PTPN13: variants seen among roughly 807,000 people sequenced by gnomAD.
PTPN13 encodes the protein tyrosine-protein phosphatase non-receptor type 13.
Under a neutral mutation model 284.0 loss-of-function variants are expected in PTPN13, and 191 were observed. That is an observed-to-expected ratio of 0.67 (90% CI 0.60 to 0.76). The LOEUF (loss-of-function observed/expected upper bound fraction) is 0.76, where lower values mean the gene tolerates loss of function less well. PTPN13 is among the 30% of genes least tolerant of loss of function. The probability of loss-of-function intolerance (pLI) is 0.00; values close to 1 mark genes in which losing one functional copy is unlikely to be tolerated. For synonymous variants in PTPN13, 986 were observed against 1,022.3 expected (o/e 0.96, Z 0.68); for missense variants, 2,797 against 2,939.9 (o/e 0.95, Z 1.12).
intron 40 of PTPN13, among the ~76,000 whole-genome samples, chr4:86,795,496 C>G (rs1221500320): frequency 1.3e-5 from 2 of 152,116 alleles, no homozygotes; most frequent in African/African-American, 2.4e-5. Context: ...CCTCAAGGAT[C>G]TAGAACTAGA....
At position 86,785,384 on chromosome 4, in the gene PTPN13, G is replaced by A. The variant is rs185289131; in HGVS notation, c.6256+16G>A. The A allele has an allele frequency of 4.3e-4, 683 of 1,595,418 alleles. 2 individuals carry two copies. The African/African-American group carries it at 4.9e-3, about 12-fold the overall frequency. ...TGTGGTCCAGGTACGTGAACCAGAT[G>A]AATAAATTGGTATACTATGGAGTAC... is the stretch of plus-strand genomic sequence containing the variant. On this transcript the variant is annotated intron_variant, in intron 39 of 47. Transcript: ENST00000411767.
chr4:86,759,110 A>G (rs978816750), intron 23 of PTPN13, 37 bp downstream of exon 23: 4 of 1,592,512 alleles, frequency 2.5e-6, no homozygotes, highest in Non-Finnish European at 2.6e-6. Flanking sequence ...ATTCTGTTTC[A>G]CTTTTCTGTC....
intron 15 of PTPN13, among the ~76,000 whole-genome samples, chr4:86,741,071 T>C (rs1736120096): frequency 6.6e-6 from 1 of 152,210 alleles, no homozygotes; most frequent in African/African-American, 2.4e-5. Context: ...ATTCAACTAG[T>C]CTTTAGAAAG....
In PTPN13 at chr4:86,646,290, ATTTTT is replaced by A. The variant is rs772882076; in HGVS notation, c.115+10939_115+10943del. Reference sequence around the variant, plus strand: ...CCTACACTGGGAGAAAATATTTGCAATTTTTTTTTTTTTTTTTTTTTTTTAAAGAC... The same window carrying A: ...CCTACACTGGGAGAAAATATTTGCAATTTTTTTTTTTTTTTTTTTAAAGAC... On this transcript the variant is annotated intron_variant, in intron 2 of 47. Coordinates refer to ENST00000411767, the MANE Select transcript of PTPN13 (RefSeq NM_080683.3). Among the ~76,000 whole-genome samples the A allele has an allele frequency of 2.3e-4, 30 of 132,860 alleles. No individual in the cohort carries two copies. In the Admixed American group the frequency reaches 2.3e-3, roughly 10 times the overall value. The allele number at this position is 132,860 out of a possible 152,430, so 87.2% of individuals were successfully genotyped here.
In PTPN13 at chr4:86,750,531, A is replaced by C. The variant is rs1370544634; in HGVS notation, c.2712A>C (p.Gly904=). 5 of 1,613,850 alleles carry C rather than the reference A, an allele frequency of 3.1e-6. No individual in the cohort carries two copies. Among genetic ancestry groups the C allele is most frequent in the Non-Finnish European group, 4.2e-6 (5 of 1,179,876 alleles). ...AGTCTGTTAGAGGATTTAATATGGG[A>C]CGAGCAATCAGCACTGGCAGTCTGG... ...QAESVRGFNM[G]RAISTGSLAS... is the part of the protein sequence containing the mutation. The change falls in exon 18 of 48, where the codon GGA becomes GGC. Residue 904 remains glycine (G), a synonymous_variant. Coordinates refer to ENST00000411767, the MANE Select transcript of PTPN13 (RefSeq NM_080683.3).
chr4:86,755,757 T>C (rs368063172), intron 20 of PTPN13, among the ~76,000 whole-genome samples: 8 of 152,228 alleles, frequency 5.3e-5, no homozygotes, highest in African/African-American at 1.9e-4. Flanking sequence ...ACATAAGTGT[T>C]CTGAGCATAT....
At chr4:86,717,862 G>C (rs900142080) in intron 9 of PTPN13, among the ~76,000 whole-genome samples, 3 of 152,108 alleles carry the variant, frequency 2.0e-5, no homozygotes, top group African/African-American at 7.2e-5. Context: ...TATGTAAAAG[G>C]TTAATTATTC....
intron 32 of PTPN13, 93 bp downstream of exon 32, chr4:86,773,051 A>C (rs1740186467): frequency 1.1e-6 from 1 of 924,740 alleles, no homozygotes; most frequent in Non-Finnish European, 1.6e-6. Context: ...AGCTATCTTT[A>C]AAATAGCTTC....
At chr4:86,772,714 C>A (rs2149278343) in intron 31 of PTPN13, 64 bp from the exon 32 acceptor site, 1 of 1,329,366 alleles carries the variant, frequency 7.5e-7, no homozygotes, top group Non-Finnish European at 1.0e-6. Context: ...CTGTTTCTGG[C>A]ACAAACTAAC....
intron 12 of PTPN13, among the ~76,000 whole-genome samples, chr4:86,733,932 C>T (rs1290264577): frequency 6.6e-6 from 1 of 152,092 alleles, no homozygotes; most frequent in African/African-American, 2.4e-5. Flanking sequence ...TGTTTTTATT[C>T]ATTATGTCAT....
chr4:86,705,603 G>T (rs1362001282), intron 7 of PTPN13, among the ~76,000 whole-genome samples: 3 of 151,974 alleles, frequency 2.0e-5, no homozygotes, highest in Non-Finnish European at 2.9e-5. Context: ...TACAATTTTT[G>T]TGATCTTTAA....
chr4:86,668,337 A>G (rs1000162764), intron 2 of PTPN13, among the ~76,000 whole-genome samples: 2 of 152,184 alleles, frequency 1.3e-5, no homozygotes, highest in African/African-American at 4.8e-5. Flanking sequence ...GTTAGACAAG[A>G]TGAGTGAATT....
chr4:86,792,174 G>C (rs1441090304), intron 40 of PTPN13, among the ~76,000 whole-genome samples: 1 of 152,152 alleles, frequency 6.6e-6, no homozygotes, highest in Non-Finnish European at 1.5e-5. Flanking sequence ...ATGACCTGAT[G>C]AAGCTGAAAA....
chr4:86,701,536 C>G lies in PTPN13; in HGVS notation c.930C>G (p.Asp310Glu). 6.2e-7 allele frequency: 1 copy of G among 1,613,916 alleles called. No homozygotes were observed. Among genetic ancestry groups the G allele is most frequent in the Non-Finnish European group, 8.5e-7 (1 of 1,179,846 alleles). The part of the protein sequence containing the change: ...ASSMDLLCTA[D>E]RDFSSGETAT... ...CCATGGACTTGCTTTGTACAGCTGACAGAGACTTCTCTTCAGGAGAGACTG... is the reference window on the plus strand; with the variant it reads ...CCATGGACTTGCTTTGTACAGCTGAGAGAGACTTCTCTTCAGGAGAGACTG... Residue 310 changes from aspartate to glutamate, a missense_variant, in exon 7 of 48, where the codon GAC (aspartate) becomes GAG (glutamate). Asp to Glu is a conservative substitution (Grantham distance 45). Coordinates refer to ENST00000411767, the MANE Select transcript of PTPN13 (RefSeq NM_080683.3).
chr4:86,792,968 G>A (rs1038423728), intron 40 of PTPN13, among the ~76,000 whole-genome samples: 1 of 152,084 alleles, frequency 6.6e-6, no homozygotes, highest in African/African-American at 2.4e-5. Context: ...GCAAAATAAC[G>A]AGCTAACATC....
intron 2 of PTPN13, among the ~76,000 whole-genome samples, chr4:86,666,507 A>G (rs1727097540): frequency 6.6e-6 from 1 of 152,232 alleles, no homozygotes; most frequent in Non-Finnish European, 1.5e-5. Context: ...TATTTCAATT[A>G]ATTATAATGG....
At position 86,809,965 on chromosome 4, in the gene PTPN13, T is replaced by C. The variant is rs752762463; in HGVS notation, c.7280T>C (p.Leu2427Ser). ...TLICIDVVLG[L>S]ISQDLDFDIS... is the part of the protein sequence containing the mutation. The stretch of plus-strand genomic sequence containing the variant: ...ATTTGCATAGATGTGGTTCTGGGAT[T>C]AATCAGTCAGGATCTTGATGTGAGT... The change falls in exon 46 of 48, where the codon TTA (leucine) becomes TCA (serine). Residue 2427 changes from leucine (L) to serine (S), a missense_variant. Leu to Ser is a moderately radical substitution (Grantham distance 145). Transcript: ENST00000411767. The C allele has an allele frequency of 2.5e-6, 4 of 1,613,850 alleles. No homozygotes were observed. In the African/African-American group the frequency reaches 5.3e-5, roughly 22 times the overall value.
chr4:86,752,966 C>A (rs1470705508), intron 19 of PTPN13, 43 bp from the exon 20 acceptor site: 3 of 1,425,498 alleles, frequency 2.1e-6, no homozygotes, highest in South Asian at 2.6e-5. Flanking sequence ...TATCTAGCAT[C>A]TGACCATCTT....
chr4:86,685,326 A>G (rs1372971302), intron 3 of PTPN13, among the ~76,000 whole-genome samples: 1 of 152,012 alleles, frequency 6.6e-6, no homozygotes, highest in Non-Finnish European at 1.5e-5. Flanking sequence ...AACTGCAGTG[A>G]GGCCAAGTGA....
Sources: allele counts gnomAD v4.1 joint callset (sites outside exome capture counted in the v4.1 genomes callset), GRCh38; gene constraint gnomAD v4.1.1; transcripts MANE v1.5; gene names NCBI Gene and HGNC (gene_info 2026-07-23, HGNC 2026-07-21).